The following SNRPN variants were observed in gnomAD, a reference collection of about 807,000 sequenced individuals.
SNRPN encodes small nuclear ribonucleoprotein polypeptide N, also known as small nuclear ribonucleoprotein-associated protein N.
In SNRPN, 7 loss-of-function variants were observed where a neutral mutation model predicts 25.2. The ratio of observed to expected loss-of-function variants is 0.28; its 90% CI spans 0.16 to 0.52. The LOEUF is 0.52. Among genes scored for constraint, SNRPN ranks in the 20% least tolerant of loss-of-function variants. The pLI is 0.96. For synonymous variants in SNRPN, 124 were observed against 110.6 expected, an observed-to-expected ratio of 1.12 and a Z score of -0.76; for missense variants, 196 against 322.5, an observed-to-expected ratio of 0.61 and a Z score of 3.00.
upstream of SNRPN, chr15:24,954,860 TGAGG>T (rs1384055659): frequency 5.0e-4 from 369 of 734,166 alleles, 3 homozygotes; most frequent in Non-Finnish European, 6.6e-4. Context: ...GTCATTCCGG[TGAGG>T]GAGGGAGCTG....
At chr15:24,887,371 C>T (rs547996521) in intron 2 of SNRPN, among the ~76,000 whole-genome samples, 13 of 152,170 alleles carry the variant, frequency 8.5e-5, no homozygotes, top group Non-Finnish European at 1.2e-4. Context: ...TGCTCTCAAA[C>T]TCCTGACCTC....
chr15:24,966,207 A>G (rs530661520), intron 2 of SNRPN, among the ~76,000 whole-genome samples: 8 of 152,276 alleles, frequency 5.3e-5, no homozygotes, highest in Non-Finnish European at 1.2e-4. Flanking sequence ...CTGAGGTCCT[A>G]CTATTTTCTC....
intron 3 of SNRPN, among the ~76,000 whole-genome samples, chr15:24,971,414 G>A (rs1273799287): frequency 6.6e-6 from 1 of 152,182 alleles, no homozygotes; most frequent in Non-Finnish European, 1.5e-5. Context: ...AGGGATGAGA[G>A]AGAACTGTTT....
intron 2 of SNRPN, among the ~76,000 whole-genome samples, chr15:24,895,755 A>G (rs2058048345): frequency 6.6e-6 from 1 of 152,164 alleles, no homozygotes; most frequent in Non-Finnish European, 1.5e-5. Flanking sequence ...TCCTTTGTCC[A>G]TATATTGAAG....
chr15:24,933,239 G>A (rs112674470), intron 3 of SNRPN, among the ~76,000 whole-genome samples: 15 of 152,024 alleles, frequency 9.9e-5, no homozygotes, highest in Non-Finnish European at 7.4e-5. Flanking sequence ...TAGCCTGGGC[G>A]ACAGAATGAG....
intron 1 of SNRPN, among the ~76,000 whole-genome samples, chr15:24,865,673 C>G (rs1428893675): frequency 6.6e-6 from 1 of 152,164 alleles, no homozygotes; most frequent in African/African-American, 2.4e-5. Context: ...TATTCTTCAA[C>G]TATAGGGGTG....
Position 24,962,196 on chromosome 15 carries a change from C to G in SNRPN, c.-308C>G, listed in dbSNP as rs1465734479. On this transcript the variant is annotated 5_prime_UTR_variant, in exon 2 of 10. Transcript: ENST00000390687. ...AGTCAAACGCAGAAGGACTGCCTCA[C>G]TGAGCAACCAAGAGTGAGTACAGAC... 1.2e-6 allele frequency: 2 copies of G among 1,614,010 alleles called. No homozygotes were observed. Among genetic ancestry groups the G allele is most frequent in the Non-Finnish European group, 1.7e-6 (2 of 1,179,924 alleles).
rs1233598811 is a variant in SNRPN, at chr15:24,962,221, CTG to C, written c.-295+16_-295+17del. 2.5e-6 allele frequency: 4 copies of C among 1,608,100 alleles called. No homozygotes were observed. The highest frequency in any genetic ancestry group is 1.7e-5 in the Admixed American group (1 of 59,968). On this transcript the variant is annotated intron_variant, in intron 2 of 9. Coordinates refer to ENST00000390687, the MANE Select transcript of SNRPN (RefSeq NM_003097.6). The stretch of plus-strand genomic sequence containing the variant: ...CTGAGCAACCAAGAGTGAGTACAGA[CTG>C]TGTTGGGAACAAATGCAAGTCAGAA...
At chr15:24,831,303 T>G (rs1444885054) in intron 2 of SNRPN, among the ~76,000 whole-genome samples, 2 of 152,092 alleles carry the variant, frequency 1.3e-5, no homozygotes, top group African/African-American at 4.8e-5. Flanking sequence ...ATTCATTTAC[T>G]TTTATATGTA....
chr15:24,897,678 G>A (rs1012224623), intron 2 of SNRPN, among the ~76,000 whole-genome samples: 31 of 152,134 alleles, frequency 2.0e-4, no homozygotes, highest in African/African-American at 7.5e-4. Context: ...AACATGGGGG[G>A]TGGTTTCCCC....
intron 1 of SNRPN, among the ~76,000 whole-genome samples, chr15:24,866,525 G>C (rs1427569819): frequency 6.6e-6 from 1 of 152,160 alleles, no homozygotes; most frequent in Non-Finnish European, 1.5e-5. Context: ...AGCTTCCTGA[G>C]TAGCTGGGAC....
In SNRPN at chr15:24,841,000, C is replaced by T. The variant is rs1159827228; in HGVS notation, c.-579+11095C>T. Among the ~76,000 whole-genome samples, 6 of 152,020 alleles carry T rather than the reference C, an allele frequency of 3.9e-5. No homozygotes were observed. The South Asian group carries it at 1.0e-3, about 26-fold the overall frequency. Reference sequence around the variant, plus strand: ...GGGATTATAGGCGCCCACCACCATGCCCTGCTAATTTTTATATTTTAGTAG... The same window carrying T: ...GGGATTATAGGCGCCCACCACCATGTCCTGCTAATTTTTATATTTTAGTAG... On this transcript the variant is annotated intron_variant, in intron 2 of 12. Coordinates refer to the SNRPN transcript ENST00000400100.
chr15:24,927,723 T>C (rs1566921877), intron 3 of SNRPN, among the ~76,000 whole-genome samples: 1 of 152,144 alleles, frequency 6.6e-6, no homozygotes, highest in Non-Finnish European at 1.5e-5. Flanking sequence ...TCATGTTAAA[T>C]ATCTTGTTTG....
chr15:24,970,650 C>A lies in SNRPN; in HGVS notation c.-144+2568C>A, dbSNP rs2554429. Among the ~76,000 whole-genome samples, 92 of 152,080 alleles carry A rather than the reference C, an allele frequency of 6.0e-4. 2 individuals are homozygous for A. Among genetic ancestry groups the A allele is most frequent in the Non-Finnish European group, 1.1e-3 (77 of 67,968 alleles). On this transcript the variant is annotated intron_variant, in intron 3 of 9. Coordinates refer to ENST00000390687, the MANE Select transcript of SNRPN (RefSeq NM_003097.6). ...AATATTTACCAGGGTACATATCCAACTGGATACCTACCTAGTAGTTGGGAT... is the reference window on the plus strand; with the variant it reads ...AATATTTACCAGGGTACATATCCAAATGGATACCTACCTAGTAGTTGGGAT...
At chr15:24,917,777 T>C (rs765108398) in intron 2 of SNRPN, among the ~76,000 whole-genome samples, 17 of 152,364 alleles carry the variant, frequency 1.1e-4, no homozygotes, top group Non-Finnish European at 1.8e-4. Context: ...TTTTATGTTG[T>C]GGATTTAGTT....
intron 1 of SNRPN, among the ~76,000 whole-genome samples, chr15:24,825,425 AT>A (rs2050016403): frequency 6.6e-6 from 1 of 152,026 alleles, no homozygotes. Flanking sequence ...AGGAGATAAG[AT>A]TTACTGGTTT....
At chr15:24,865,210 C>A (rs887756562) in intron 1 of SNRPN, among the ~76,000 whole-genome samples, 5 of 152,022 alleles carry the variant, frequency 3.3e-5, no homozygotes, top group Admixed American at 3.3e-4. Flanking sequence ...CCATGTCCAG[C>A]TAATTTTTGT....
chr15:24,858,253 C>T (rs1287933082), intron 1 of SNRPN, among the ~76,000 whole-genome samples: 2 of 152,120 alleles, frequency 1.3e-5, no homozygotes, highest in Non-Finnish European at 2.9e-5. Context: ...TTACTGTCTT[C>T]ATTTAAAAGC....
At chr15:24,971,635 C>T (rs920991300) in intron 3 of SNRPN, among the ~76,000 whole-genome samples, 3 of 152,236 alleles carry the variant, frequency 2.0e-5, no homozygotes, top group Non-Finnish European at 2.9e-5. Context: ...TTTCATACCT[C>T]TGGACCGCTA....
Sources: gnomAD v4.1 joint callset for allele counts (sites outside exome capture counted in the v4.1 genomes callset) on GRCh38, gnomAD v4.1.1 for gene constraint, MANE v1.5 for transcripts, NCBI Gene and HGNC (gene_info 2026-07-23, HGNC 2026-07-21) for gene names.